The following GRID2 variants were observed in gnomAD, a reference collection of about 807,000 sequenced individuals.
GRID2 encodes glutamate ionotropic receptor delta type subunit 2, also known as glutamate receptor ionotropic, delta-2.
Under a neutral mutation model 114.8 loss-of-function variants are expected in GRID2, and 33 were observed. The ratio of observed to expected loss-of-function variants is 0.29; its 90% CI spans 0.22 to 0.38. The LOEUF (loss-of-function observed/expected upper bound fraction) is 0.38, where lower values mean the gene tolerates loss of function less well. GRID2 is among the 10% of genes least tolerant of loss of function. The pLI is 1.00. For synonymous variants in GRID2, 505 were observed against 449.9 expected, an observed-to-expected ratio of 1.12 and a Z score of -1.55; for missense variants, 1,184 against 1,257.7, an observed-to-expected ratio of 0.94 and a Z score of 0.89.
At chr4:93,217,090 G>C in intron 6 of GRID2, 179 bp downstream of exon 6, 1 of 435,966 alleles carries the variant, frequency 2.3e-6, no homozygotes, top group South Asian at 5.8e-5. Flanking sequence ...TGTTCTTTTT[G>C]ATCTCATTAT....
intron 2 of GRID2, among the ~76,000 whole-genome samples, chr4:92,931,394 G>T (rs1750224248): frequency 6.6e-6 from 1 of 150,788 alleles, no homozygotes; most frequent in African/African-American, 2.4e-5. Context: ...ATGAATCACT[G>T]AATACTTATT....
At chr4:92,432,979 A>G (rs898850370) in intron 1 of GRID2, among the ~76,000 whole-genome samples, 7 of 151,888 alleles carry the variant, frequency 4.6e-5, no homozygotes, top group African/African-American at 1.7e-4. Flanking sequence ...CCTTCCAAAA[A>G]CGGTCCTTCC....
intron 13 of GRID2, among the ~76,000 whole-genome samples, chr4:93,611,087 C>T (rs1740840663): frequency 8.3e-6 from 1 of 120,362 alleles, no homozygotes; most frequent in Non-Finnish European, 1.7e-5. Flanking sequence ...TCTAGATTTT[C>T]TAGTTTATTT....
intron 11 of GRID2, among the ~76,000 whole-genome samples, chr4:93,475,828 A>T (rs1725269173): frequency 6.6e-6 from 1 of 152,146 alleles, no homozygotes; most frequent in African/African-American, 2.4e-5. Context: ...ACTAGAATTT[A>T]TATAGTGGTT....
At chr4:93,170,200 T>A (rs1024143887) in intron 4 of GRID2, among the ~76,000 whole-genome samples, 2 of 152,044 alleles carry the variant, frequency 1.3e-5, no homozygotes, top group Admixed American at 6.6e-5. Flanking sequence ...TCTCCTACCT[T>A]AGCCACTCAA....
chr4:93,367,507 T>C (rs1762457650), intron 8 of GRID2, among the ~76,000 whole-genome samples: 1 of 152,150 alleles, frequency 6.6e-6, no homozygotes, highest in African/African-American at 2.4e-5. Context: ...TACCACATCC[T>C]TGGTTTAAAA....
rs958582329 is a variant in GRID2, at chr4:92,792,751, G to A, written c.244+202465G>A. Reference sequence around the variant, plus strand: ...TATGTCTCCCACTTCTGCATAATGAGGTTGAAAAAAGTTACTATATTTTAA... The same window carrying A: ...TATGTCTCCCACTTCTGCATAATGAAGTTGAAAAAAGTTACTATATTTTAA... On this transcript the variant is annotated intron_variant, in intron 2 of 15. Coordinates refer to ENST00000282020, the MANE Select transcript of GRID2 (RefSeq NM_001510.4). Among the ~76,000 whole-genome samples the A allele has an allele frequency of 6.6e-5, 10 of 151,732 alleles. No individual in the cohort carries two copies. In the East Asian group the frequency reaches 1.8e-3, roughly 27 times the overall value.
intron 1 of GRID2, among the ~76,000 whole-genome samples, chr4:92,349,253 T>A (rs142789506): frequency 6.6e-6 from 1 of 152,146 alleles, no homozygotes; most frequent in East Asian, 1.9e-4. Flanking sequence ...GTAGTTTTAA[T>A]GACTTCCTAA....
chr4:93,580,916 G>T (rs1446513932), intron 13 of GRID2, among the ~76,000 whole-genome samples: 6 of 147,858 alleles, frequency 4.1e-5, no homozygotes, highest in African/African-American at 7.5e-5. Flanking sequence ...GGATACATGT[G>T]CAGATTACAG....
At chr4:93,133,045 A>G (rs1257986434) in intron 4 of GRID2, among the ~76,000 whole-genome samples, 1 of 152,194 alleles carries the variant, frequency 6.6e-6, no homozygotes, top group Non-Finnish European at 1.5e-5. Context: ...TGGACTTTCC[A>G]TGAGACATTA....
chr4:93,427,407 C>A (rs1178990869), intron 10 of GRID2, among the ~76,000 whole-genome samples: 1 of 151,886 alleles, frequency 6.6e-6, no homozygotes, highest in Non-Finnish European at 1.5e-5. Flanking sequence ...AATGTTGCCA[C>A]TAAATATCTC....
At chr4:92,933,859 T>C (rs1750428502) in intron 2 of GRID2, among the ~76,000 whole-genome samples, 1 of 151,678 alleles carries the variant, frequency 6.6e-6, no homozygotes, top group African/African-American at 2.4e-5. Flanking sequence ...AAATGGAATG[T>C]TGTATATCTT....
At chr4:93,687,222 A>G (rs573533270) in intron 14 of GRID2, among the ~76,000 whole-genome samples, 20 of 152,192 alleles carry the variant, frequency 1.3e-4, no homozygotes, top group African/African-American at 4.8e-4. Context: ...TGCACCAGAA[A>G]GATGGAGTAC....
chr4:92,923,569 T>G (rs928539878), intron 2 of GRID2, among the ~76,000 whole-genome samples: 7 of 152,340 alleles, frequency 4.6e-5, no homozygotes, highest in East Asian at 1.9e-4. Context: ...TGCCATTTTC[T>G]TTGTTTTATT....
intron 8 of GRID2, among the ~76,000 whole-genome samples, chr4:93,387,762 C>T (rs544872789): frequency 7.1e-4 from 105 of 148,192 alleles, no homozygotes; most frequent in Non-Finnish European, 1.3e-3. Flanking sequence ...CCTGGGAGGC[C>T]GAGGCCGAAG....
intron 12 of GRID2, among the ~76,000 whole-genome samples, chr4:93,509,154 C>T (rs187591138): frequency 1.0e-3 from 152 of 152,224 alleles, no homozygotes; most frequent in African/African-American, 3.3e-3. Flanking sequence ...TCAGAAAGAA[C>T]AGTTTAGCTG....
exon 2 of GRID2, chr4:93,809,829 T>C (rs781457689): frequency 4.6e-5 from 7 of 152,270 alleles, no homozygotes; most frequent in Middle Eastern, 3.4e-3. Context: ...TAAAAAACAT[T>C]AGCAATTAAA....
intron 3 of GRID2, among the ~76,000 whole-genome samples, chr4:93,104,928 T>G (rs1233496026): frequency 6.6e-6 from 1 of 151,998 alleles, no homozygotes; most frequent in Admixed American, 6.6e-5. Context: ...CCACCAACAG[T>G]GTAAAAGTGT....
At chr4:92,441,461 A>G (rs150840851) in intron 1 of GRID2, among the ~76,000 whole-genome samples, 40,672 of 151,776 alleles carry the variant, frequency 0.27, 5,852 homozygotes, top group African/African-American at 0.38. Flanking sequence ...GATATAGAAC[A>G]GAATAATGGA....
Sources: gnomAD v4.1 joint callset for allele counts (sites outside exome capture counted in the v4.1 genomes callset) on GRCh38, gnomAD v4.1.1 for gene constraint, MANE v1.5 for transcripts, NCBI Gene and HGNC (gene_info 2026-07-23, HGNC 2026-07-21) for gene names.